NALF1: variants seen among roughly 807,000 people sequenced by gnomAD.
NALF1 encodes NALCN channel auxiliary factor 1, also known as family with sequence similarity 155 member A.
Under a neutral mutation model 48.4 loss-of-function variants are expected in NALF1, and 3 were observed. The observed-to-expected ratio is 0.06, with a 90% CI of 0.03 to 0.16. The LOEUF (loss-of-function observed/expected upper bound fraction) is 0.16, where lower values mean the gene tolerates loss of function less well. Among genes scored for constraint, NALF1 ranks in the 10% least tolerant of loss-of-function variants. The probability of loss-of-function intolerance (pLI) is 1.00; values close to 1 mark genes in which losing one functional copy is unlikely to be tolerated. For synonymous variants in NALF1, 262 were observed against 245.7 expected, an observed-to-expected ratio of 1.07 and a Z score of -0.62; for missense variants, 526 against 571.5, an observed-to-expected ratio of 0.92 and a Z score of 0.81.
At chr13:107,609,241 A>ACCATTCATT (rs1376647762) in intron 1 of NALF1, among the ~76,000 whole-genome samples, 1 of 151,998 alleles carries the variant, frequency 6.6e-6, no homozygotes. Context: ...CCTCTCCCAC[A>ACCATTCATT]CCATTCATTC....
intron 1 of NALF1, among the ~76,000 whole-genome samples, chr13:107,337,478 C>T (rs1408592814): frequency 1.3e-5 from 2 of 152,062 alleles, no homozygotes; most frequent in East Asian, 1.9e-4. Context: ...TTATTGATTG[C>T]TGAGGCTTGT....
chr13:107,420,936 ATATC>A (rs1884175321), intron 1 of NALF1, among the ~76,000 whole-genome samples: 1 of 152,120 alleles, frequency 6.6e-6, no homozygotes. Flanking sequence ...ATGCTATCTA[ATATC>A]ACCTGTTGTT....
At chr13:107,648,120 C>T (rs1416944055) in intron 1 of NALF1, among the ~76,000 whole-genome samples, 1 of 152,100 alleles carries the variant, frequency 6.6e-6, no homozygotes, top group Non-Finnish European at 1.5e-5. Context: ...ACCCCCCATA[C>T]ACATCTCCCT....
At chr13:107,517,564 G>A (rs867293789) in intron 1 of NALF1, among the ~76,000 whole-genome samples, 12 of 152,174 alleles carry the variant, frequency 7.9e-5, no homozygotes, top group Admixed American at 3.9e-4. Flanking sequence ...CCTGGGAGGC[G>A]GAGGTTGCAA....
At chr13:107,771,454 G>A (rs1349605420) in intron 1 of NALF1, among the ~76,000 whole-genome samples, 3 of 149,852 alleles carry the variant, frequency 2.0e-5, no homozygotes, top group African/African-American at 7.3e-5. Flanking sequence ...CAGCATAAAT[G>A]TATATATGTA....
intron 1 of NALF1, among the ~76,000 whole-genome samples, chr13:107,692,022 A>G (rs924342735): frequency 1.3e-5 from 2 of 152,186 alleles, no homozygotes; most frequent in African/African-American, 4.8e-5. Context: ...AAATCTCTGA[A>G]TGAATGAACA....
Position 107,691,614 on chromosome 13 carries a change from T to C in NALF1, c.915+174068A>G, listed in dbSNP as rs976342943. On this transcript the variant is annotated intron_variant, in intron 1 of 2. Transcript: ENST00000375915. The stretch of plus-strand genomic sequence containing the variant: ...AACTGAATATTGACAGGAGCAAGTA[T>C]CTAAAATCCATTTATACTGTGCAAT... Among the ~76,000 whole-genome samples, 5 of 152,220 alleles carry C rather than the reference T, an allele frequency of 3.3e-5. No homozygotes were observed. The East Asian group carries it at 9.6e-4, about 29-fold the overall frequency.
At chr13:107,480,740 CTG>C (rs1467437946) in intron 1 of NALF1, among the ~76,000 whole-genome samples, 1 of 152,126 alleles carries the variant, frequency 6.6e-6, no homozygotes, top group Non-Finnish European at 1.5e-5. Flanking sequence ...TACTAAAGAA[CTG>C]TTTTATTTTT....
rs1266493228 is a variant in NALF1 at position 107,325,851 on chromosome 13, CACACATATATAT to C, written c.916-115108_916-115097del. Among the ~76,000 whole-genome samples, 8 of 51,986 alleles carry C rather than the reference CACACATATATAT, an allele frequency of 1.5e-4. No individual in the cohort carries two copies. The East Asian group carries it at 3.4e-3, about 22-fold the overall frequency. 34.1% of individuals were successfully genotyped at this position (51,986 alleles called of 152,430 possible). The stretch of plus-strand genomic sequence containing the variant: ...GAGAAACTGTGTCTCAACACACACA[CACACATATATAT>C]ATATATATATATATATATATATATA... On this transcript the variant is annotated intron_variant, in intron 1 of 2. Coordinates refer to ENST00000375915, the MANE Select transcript of NALF1 (RefSeq NM_001080396.3).
At chr13:107,704,542 G>T (rs1052326188) in intron 1 of NALF1, among the ~76,000 whole-genome samples, 1 of 151,780 alleles carries the variant, frequency 6.6e-6, no homozygotes, top group African/African-American at 2.4e-5. Flanking sequence ...GTTGATATTG[G>T]TACCTCACAA....
intron 1 of NALF1, among the ~76,000 whole-genome samples, chr13:107,862,190 G>C (rs1703599): frequency 1.3e-5 from 2 of 151,978 alleles, no homozygotes; most frequent in East Asian, 3.9e-4. Context: ...AGCTATCAAT[G>C]ACTTTAGAAG....
At chr13:107,408,122 G>A (rs928867336) in intron 1 of NALF1, among the ~76,000 whole-genome samples, 1 of 151,992 alleles carries the variant, frequency 6.6e-6, no homozygotes, top group Non-Finnish European at 1.5e-5. Context: ...ATGATAGCCT[G>A]GGAGTGCACA....
intron 1 of NALF1, among the ~76,000 whole-genome samples, chr13:107,500,129 A>C (rs2139077246): frequency 6.6e-6 from 1 of 152,274 alleles, no homozygotes; most frequent in East Asian, 1.9e-4. Flanking sequence ...TACATGTATT[A>C]ATTCTAAAGT....
Position 107,822,313 on chromosome 13 carries a change from TA to T in NALF1, c.915+43368del, listed in dbSNP as rs946413877. 4.2e-5 allele frequency among the ~76,000 whole-genome samples: 5 copies of T among 119,780 alleles called. No individual in the cohort carries two copies. In the South Asian group the frequency reaches 1.4e-3, roughly 33 times the overall value. The allele number at this position is 119,780 out of a possible 152,430, so 78.6% of individuals were successfully genotyped here. A position where few individuals can be genotyped will look rare whatever the true frequency, so the allele number is the denominator to read the frequency against. On this transcript the variant is annotated intron_variant, in intron 1 of 2. Coordinates refer to ENST00000375915, the MANE Select transcript of NALF1 (RefSeq NM_001080396.3). ...GCTGTTGCCTGATGTCATGCAAAAG[TA>T]TTTTTTTTTTTTTTGAGACAGAGTC...
intron 1 of NALF1, among the ~76,000 whole-genome samples, chr13:107,721,805 G>A (rs1875994248): frequency 6.6e-6 from 1 of 152,130 alleles, no homozygotes; most frequent in African/African-American, 2.4e-5. Context: ...GTTCTCTCCC[G>A]GAGGAGAGGG....
chr13:107,510,603 C>A (rs1445214795), intron 1 of NALF1, among the ~76,000 whole-genome samples: 3 of 152,116 alleles, frequency 2.0e-5, no homozygotes, highest in Non-Finnish European at 4.4e-5. Flanking sequence ...ATATTTTATG[C>A]CCAGTGTATT....
chr13:107,464,639 G>A (rs1594076685), intron 1 of NALF1, among the ~76,000 whole-genome samples: 1 of 152,016 alleles, frequency 6.6e-6, no homozygotes, highest in East Asian at 1.9e-4. Flanking sequence ...TCCTGCCTCA[G>A]CCTCCCAAGT....
intron 1 of NALF1, among the ~76,000 whole-genome samples, chr13:107,748,561 T>C (rs950475115): frequency 2.6e-5 from 4 of 152,190 alleles, no homozygotes; most frequent in Non-Finnish European, 4.4e-5. Flanking sequence ...CAAAGCACAA[T>C]TGCTTGAACA....
intron 1 of NALF1, among the ~76,000 whole-genome samples, chr13:107,503,753 T>TG (rs1329568918): frequency 0.093 from 6,607 of 70,814 alleles, 247 homozygotes; most frequent in East Asian, 0.19. Context: ...GTGTGTGTGT[T>TG]TGTGTGTGTG....
Sources: allele counts gnomAD v4.1 joint callset (sites outside exome capture counted in the v4.1 genomes callset), GRCh38; gene constraint gnomAD v4.1.1; transcripts MANE v1.5; gene names NCBI Gene and HGNC (gene_info 2026-07-23, HGNC 2026-07-21).